The following CMIP variants were observed in gnomAD, a reference collection of about 807,000 sequenced individuals.
CMIP encodes c-Maf inducing protein.
In CMIP, 13 loss-of-function variants were observed where a neutral mutation model predicts 97.3. The observed-to-expected ratio is 0.13, with a 90% CI of 0.09 to 0.21. The LOEUF (loss-of-function observed/expected upper bound fraction) is 0.21. Ranked by LOEUF, CMIP falls within the 10% of genes least tolerant of loss-of-function variation. CMIP has a pLI of 1.00. For synonymous variants in CMIP, 538 were observed against 436.3 expected, an observed-to-expected ratio of 1.23 and a Z score of -2.91; for missense variants, 847 against 1,024.9, an observed-to-expected ratio of 0.83 and a Z score of 2.37.
chr16:81,485,125 C>G (rs2089295519), intron 1 of CMIP, among the ~76,000 whole-genome samples: 1 of 152,156 alleles, frequency 6.6e-6, no homozygotes, highest in African/African-American at 2.4e-5. Flanking sequence ...ATTTTTTATT[C>G]CGACATCATT....
intron 8 of CMIP, among the ~76,000 whole-genome samples, chr16:81,670,992 C>G (rs1390694735): frequency 6.6e-6 from 1 of 152,080 alleles, no homozygotes; most frequent in African/African-American, 2.4e-5. Context: ...CGACTCCTGG[C>G]TAATTTTTGT....
intron 9 of CMIP, among the ~76,000 whole-genome samples, chr16:81,676,655 C>G (rs1382951813): frequency 6.6e-6 from 1 of 152,220 alleles, no homozygotes; most frequent in East Asian, 1.9e-4. Context: ...TTTATTTCCC[C>G]CAGCAAAGCT....
rs1258174546 is a variant in CMIP, at chr16:81,711,334, A to G, written c.*1535A>G. 6.6e-6 allele frequency: 1 copy of G among 152,218 alleles called. No individual in the cohort carries two copies. Among genetic ancestry groups the G allele is most frequent in the African/African-American group, 2.4e-5 (1 of 41,286 alleles). 9.4% of individuals were successfully genotyped at this position (152,218 alleles called of 1,614,324 possible). On this transcript the variant is annotated 3_prime_UTR_variant, in exon 21 of 21. Transcript: ENST00000537098. ...TGCTTTTGTCGTTTTATACTTTGCT[A>G]GGTAGACTTTATTACCCCCCCACTA...
chr16:81,693,074 C>T (rs1242584685), intron 11 of CMIP, 84 bp from the exon 12 acceptor site: 6 of 964,452 alleles, frequency 6.2e-6, no homozygotes, highest in African/African-American at 1.6e-5. Context: ...AAAGTCTAGA[C>T]GTCCCCAGAG....
At chr16:81,673,002 A>C (rs1006040058) in intron 9 of CMIP, among the ~76,000 whole-genome samples, 3 of 152,214 alleles carry the variant, frequency 2.0e-5, no homozygotes, top group Non-Finnish European at 4.4e-5. Context: ...TAAATGTGCA[A>C]GATCATGTCA....
rs1023074434 is a variant in CMIP at position 81,610,360 on chromosome 16, C to G, written c.426+2668C>G. The stretch of plus-strand genomic sequence containing the variant: ...AGCCTCTAGCTGCTCCAGCATCCCA[C>G]TTGCTCACTGCCCCCTGATCCCGTG... On this transcript the variant is annotated intron_variant, in intron 2 of 20. Coordinates refer to ENST00000537098, the MANE Select transcript of CMIP (RefSeq NM_198390.3). 1.3e-5 allele frequency: 13 copies of G among 985,482 alleles called. No individual in the cohort carries two copies. In the South Asian group the frequency reaches 1.4e-4, roughly 11 times the overall value. The allele number at this position is 985,482 out of a possible 1,614,324, so 61.0% of individuals were successfully genotyped here.
intron 1 of CMIP, among the ~76,000 whole-genome samples, chr16:81,517,152 C>T (rs1181957729): frequency 2.6e-5 from 4 of 151,176 alleles, no homozygotes; most frequent in African/African-American, 7.3e-5. Flanking sequence ...CCAAGGTCAT[C>T]GGTGAAACCC....
intron 1 of CMIP, among the ~76,000 whole-genome samples, chr16:81,565,641 C>T (rs1462386715): frequency 6.6e-6 from 1 of 152,198 alleles, no homozygotes; most frequent in East Asian, 1.9e-4. Flanking sequence ...TGGCAGCCTC[C>T]TGTGGTAACC....
Position 81,659,777 on chromosome 16 carries a change from G to A in CMIP, c.682-1107G>A, listed in dbSNP as rs1378030595. 3.9e-5 allele frequency among the ~76,000 whole-genome samples: 6 copies of A among 152,328 alleles called. No individual in the cohort carries two copies. In the East Asian group the frequency reaches 9.6e-4, roughly 24 times the overall value. ...CTGAACTGAACCCTTAATTGGGTCA[G>A]GTTGAGCTTCCCGGCTCAGCAGGAA... On this transcript the variant is annotated intron_variant, in intron 5 of 20. Transcript: ENST00000537098.
intron 1 of CMIP, among the ~76,000 whole-genome samples, chr16:81,590,327 C>G (rs550805182): frequency 3.9e-5 from 6 of 152,174 alleles, no homozygotes; most frequent in African/African-American, 7.2e-5. Context: ...AGGCACTGTC[C>G]CCAGCTTTCT....
At chr16:81,603,377 C>G in intron 1 of CMIP, 1 of 454,298 alleles carries the variant, frequency 2.2e-6, no homozygotes, top group Non-Finnish European at 4.4e-6. Flanking sequence ...CCACCGCGCC[C>G]GGCCTTGTTT....
chr16:81,458,816 G>A (rs1440603877), intron 1 of CMIP, among the ~76,000 whole-genome samples: 1 of 152,156 alleles, frequency 6.6e-6, no homozygotes, highest in African/African-American at 2.4e-5. Context: ...GGGGATATAA[G>A]AGTAGCCACT....
chr16:81,666,708 A>G (rs1051606901), intron 7 of CMIP: 1 of 152,072 alleles, frequency 6.6e-6, no homozygotes, highest in Admixed American at 6.6e-5. Context: ...GGCGCCTCCT[A>G]ATTACACACC....
At chr16:81,556,913 C>G (rs80277248) in intron 1 of CMIP, among the ~76,000 whole-genome samples, 1,750 of 152,274 alleles carry the variant, frequency 0.011, 37 homozygotes, top group African/African-American at 0.04. Context: ...CTGTCCCAGA[C>G]CAGGGAGGCC....
At chr16:81,657,752 G>T (rs1327684982) in intron 4 of CMIP, 23 bp from the exon 5 acceptor site, 1 of 1,581,944 alleles carries the variant, frequency 6.3e-7, no homozygotes, top group Non-Finnish European at 8.6e-7. Flanking sequence ...TTTTCCTCCT[G>T]CTGTCTCCAT....
chr16:81,607,030 C>T (rs1038445901), intron 1 of CMIP: 12 of 155,576 alleles, frequency 7.7e-5, no homozygotes, highest in Non-Finnish European at 2.9e-5. Flanking sequence ...CCCGCTGGGT[C>T]TGTCGATTGT....
intron 1 of CMIP, among the ~76,000 whole-genome samples, chr16:81,508,336 A>T (rs141078520): frequency 1.3e-5 from 2 of 152,284 alleles, no homozygotes; most frequent in African/African-American, 4.8e-5. Context: ...ACATAGACGC[A>T]AATACGTACA....
intron 1 of CMIP, among the ~76,000 whole-genome samples, chr16:81,471,732 A>T (rs1567532374): frequency 6.6e-6 from 1 of 152,204 alleles, no homozygotes; most frequent in Non-Finnish European, 1.5e-5. Context: ...AGTTTAATTT[A>T]TACATAAAAT....
At chr16:81,508,845 T>G (rs1429602800) in intron 1 of CMIP, among the ~76,000 whole-genome samples, 1 of 152,204 alleles carries the variant, frequency 6.6e-6, no homozygotes, top group African/African-American at 2.4e-5. Context: ...TCAGGGCCCC[T>G]TCTGATGTAT....
Sources: allele counts gnomAD v4.1 joint callset (sites outside exome capture counted in the v4.1 genomes callset), GRCh38; gene constraint gnomAD v4.1.1; transcripts MANE v1.5; gene names NCBI Gene and HGNC (gene_info 2026-07-23, HGNC 2026-07-21).